LYPLAL1: variants seen among roughly 807,000 people sequenced by gnomAD.
LYPLAL1 encodes the protein lysophospholipase like 1.
In LYPLAL1, 23 loss-of-function variants were observed where a neutral mutation model predicts 19.7. The ratio of observed to expected loss-of-function variants is 1.17; its 90% CI spans 0.84 to 1.65. The LOEUF (loss-of-function observed/expected upper bound fraction) is 1.65. Among genes scored for constraint, LYPLAL1 ranks in the 40% most tolerant of loss-of-function variants. The pLI is 0.00. For missense variants in LYPLAL1, 355 were observed against 279.4 expected (o/e 1.27, Z -1.93); for synonymous variants, 119 against 96.3 (o/e 1.24, Z -1.38).
chr1:219,278,409 A>G, the LYPLAL1 span, among the ~76,000 whole-genome samples: 2 of 152,324 alleles, frequency 1.3e-5, no homozygotes, highest in East Asian at 1.9e-4. Flanking sequence ...AAGCCTTTAT[A>G]TGTAAGAATT....
chr1:219,227,738 C>T, the LYPLAL1 span, among the ~76,000 whole-genome samples: 1 of 152,184 alleles, frequency 6.6e-6, no homozygotes, highest in African/African-American at 2.4e-5. Context: ...GTTATTATAT[C>T]ACCCTTTCTC....
At chr1:219,319,722 T>G in the LYPLAL1 span, among the ~76,000 whole-genome samples, 2 of 152,150 alleles carry the variant, frequency 1.3e-5, no homozygotes, top group South Asian at 2.1e-4. Flanking sequence ...GTTCAACTCT[T>G]TGTTTACTCA....
chr1:219,344,484 G>C, the LYPLAL1 span, among the ~76,000 whole-genome samples: 1 of 151,996 alleles, frequency 6.6e-6, no homozygotes, highest in Non-Finnish European at 1.5e-5. Context: ...ACTATTTTAC[G>C]TGTATTTTAT....
chr1:219,247,370 G>A, the LYPLAL1 span, among the ~76,000 whole-genome samples: 2,353 of 152,276 alleles, frequency 0.015, 72 homozygotes, highest in African/African-American at 0.054. Context: ...AAATTCATAA[G>A]TTTCTTTACT....
the LYPLAL1 span, among the ~76,000 whole-genome samples, chr1:219,360,441 G>T: frequency 6.6e-6 from 1 of 152,172 alleles, no homozygotes; most frequent in African/African-American, 2.4e-5. Context: ...CATCGGAGTA[G>T]TCATTTGACA....
the LYPLAL1 span, among the ~76,000 whole-genome samples, chr1:219,282,347 T>C: frequency 6.6e-6 from 1 of 151,950 alleles, no homozygotes; most frequent in Non-Finnish European, 1.5e-5. Context: ...AAATATATCA[T>C]AGATCTTGTG....
At chr1:219,369,630 C>T in the LYPLAL1 span, among the ~76,000 whole-genome samples, 13,674 of 152,240 alleles carry the variant, frequency 0.09, 641 homozygotes, top group Middle Eastern at 0.11. Context: ...GGCCAGTATA[C>T]AGTACAAACT....
intron 3 of LYPLAL1, among the ~76,000 whole-genome samples, chr1:219,209,629 G>C (rs1444537367): frequency 6.6e-6 from 1 of 152,084 alleles, no homozygotes; most frequent in African/African-American, 2.4e-5. Flanking sequence ...TTCTATGAGT[G>C]TGTGGCTACA....
At chr1:219,406,563 A>C in the LYPLAL1 span, among the ~76,000 whole-genome samples, 1 of 152,228 alleles carries the variant, frequency 6.6e-6, no homozygotes, top group South Asian at 2.1e-4. Context: ...CTCTTCAAAA[A>C]TTGAGCTGAA....
At chr1:219,241,415 G>T in the LYPLAL1 span, among the ~76,000 whole-genome samples, 1 of 151,916 alleles carries the variant, frequency 6.6e-6, no homozygotes, top group Non-Finnish European at 1.5e-5. Flanking sequence ...ACTTACATTA[G>T]GTGGAGTTAA....
the LYPLAL1 span, among the ~76,000 whole-genome samples, chr1:219,443,709 C>T: frequency 6.6e-6 from 1 of 150,410 alleles, no homozygotes; most frequent in Non-Finnish European, 1.5e-5. Context: ...TAAAGAAAGA[C>T]CCAAACACTT....
the LYPLAL1 span, among the ~76,000 whole-genome samples, chr1:219,424,320 T>G: frequency 6.6e-6 from 1 of 152,186 alleles, no homozygotes; most frequent in African/African-American, 2.4e-5. Flanking sequence ...GATATGACAC[T>G]TTCTAAAATC....
the LYPLAL1 span, among the ~76,000 whole-genome samples, chr1:219,324,952 T>C: frequency 6.6e-6 from 1 of 152,200 alleles, no homozygotes; most frequent in South Asian, 2.1e-4. Flanking sequence ...TGCTGTTCAT[T>C]GGGTTTGATG....
chr1:219,264,521 G>T, the LYPLAL1 span, among the ~76,000 whole-genome samples: 6 of 152,126 alleles, frequency 3.9e-5, no homozygotes, highest in African/African-American at 1.4e-4. Flanking sequence ...TCTCATGATG[G>T]CTTTATGCCT....
the LYPLAL1 span, among the ~76,000 whole-genome samples, chr1:219,285,298 A>G: frequency 6.6e-6 from 1 of 152,346 alleles, no homozygotes; most frequent in Non-Finnish European, 1.5e-5. Context: ...TTCATTGGTG[A>G]AGGAGATGGA....
intron 2 of LYPLAL1, among the ~76,000 whole-genome samples, chr1:219,184,094 A>G (rs193278267): frequency 3.9e-4 from 59 of 151,936 alleles, no homozygotes; most frequent in African/African-American, 1.2e-3. Flanking sequence ...TTTACAAAAC[A>G]CCTGTTTGGA....
the LYPLAL1 span, among the ~76,000 whole-genome samples, chr1:219,338,564 A>G: frequency 1.3e-5 from 2 of 151,934 alleles, no homozygotes; most frequent in East Asian, 3.9e-4. Flanking sequence ...ATCCACCTCA[A>G]TATCTTTTGT....
the LYPLAL1 span, among the ~76,000 whole-genome samples, chr1:219,243,642 C>T: frequency 4.4e-4 from 67 of 151,992 alleles, no homozygotes; most frequent in Non-Finnish European, 7.2e-4. Flanking sequence ...AAAAAGGTCC[C>T]GGCGCAGTGG....
At chr1:219,420,563 T>C in the LYPLAL1 span, among the ~76,000 whole-genome samples, 1 of 152,202 alleles carries the variant, frequency 6.6e-6, no homozygotes, top group Non-Finnish European at 1.5e-5. Context: ...CATACACTGA[T>C]GGTTTTGCAA....
Sources: allele counts gnomAD v4.1 joint callset (sites outside exome capture counted in the v4.1 genomes callset), GRCh38; gene constraint gnomAD v4.1.1; transcripts MANE v1.5; gene names NCBI Gene and HGNC (gene_info 2026-07-23, HGNC 2026-07-21).